Variants in CRADD observed in about 807,000 individuals in gnomAD.
The protein encoded by CRADD is CARD and death domain containing adaptor protein.
In CRADD, 9 loss-of-function variants were observed where a neutral mutation model predicts 15.5. The ratio of observed to expected loss-of-function variants is 0.58; its 90% CI spans 0.35 to 1.01. The LOEUF is 1.01. Ranked by LOEUF, CRADD falls within the 50% of genes least tolerant of loss-of-function variation. CRADD has a pLI of 0.02. For missense variants in CRADD, 227 were observed against 250.3 expected, an observed-to-expected ratio of 0.91 and a Z score of 0.63; for synonymous variants, 118 against 107.6, an observed-to-expected ratio of 1.10 and a Z score of -0.60.
At chr12:93,712,139 T>A (rs930094759) in intron 2 of CRADD, among the ~76,000 whole-genome samples, 4 of 152,160 alleles carry the variant, frequency 2.6e-5, no homozygotes, top group African/African-American at 9.7e-5. Context: ...CTGTTCTTTT[T>A]CTCTATTTTC....
chr12:93,836,744 C>T (rs1374812720), intron 2 of CRADD, among the ~76,000 whole-genome samples: 2 of 152,198 alleles, frequency 1.3e-5, no homozygotes, highest in African/African-American at 4.8e-5. Context: ...TTCATTCACT[C>T]ATCCAGCAAA....
At chr12:93,815,421 T>G (rs1479389206) in intron 2 of CRADD, 1 of 152,206 alleles carries the variant, frequency 6.6e-6, no homozygotes, top group Non-Finnish European at 1.5e-5. Flanking sequence ...AATCTGAGCC[T>G]CCCTTGTCCT....
intron 2 of CRADD, among the ~76,000 whole-genome samples, chr12:93,681,302 G>T (rs1955292195): frequency 6.6e-6 from 1 of 152,148 alleles, no homozygotes; most frequent in Admixed American, 6.5e-5. Flanking sequence ...AAAGCAAACA[G>T]AATGAAGCAG....
At chr12:93,889,847 C>T (rs1161254285) in intron 2 of CRADD, among the ~76,000 whole-genome samples, 1 of 152,150 alleles carries the variant, frequency 6.6e-6, no homozygotes, top group Non-Finnish European at 1.5e-5. Flanking sequence ...TGGAGATCAC[C>T]AGGGCTTGGG....
chr12:93,712,223 A>G (rs999277841), intron 2 of CRADD, among the ~76,000 whole-genome samples: 1 of 152,192 alleles, frequency 6.6e-6, no homozygotes, highest in Non-Finnish European at 1.5e-5. Context: ...ACTAGTTACT[A>G]TTTAGAAGAG....
chr12:93,787,638 A>T (rs542057720), intron 2 of CRADD, among the ~76,000 whole-genome samples: 1 of 152,340 alleles, frequency 6.6e-6, no homozygotes, highest in South Asian at 2.1e-4. Context: ...AAAGAAATAC[A>T]TGCTTATACC....
At chr12:93,833,582 G>A (rs1232403150) in intron 2 of CRADD, among the ~76,000 whole-genome samples, 1 of 152,092 alleles carries the variant, frequency 6.6e-6, no homozygotes, top group Non-Finnish European at 1.5e-5. Context: ...CTGAACTCAA[G>A]CGACCCTCCC....
At chr12:93,715,709 G>A (rs1956149685) in intron 2 of CRADD, among the ~76,000 whole-genome samples, 1 of 152,076 alleles carries the variant, frequency 6.6e-6, no homozygotes, top group African/African-American at 2.4e-5. Context: ...GTGAATTGGT[G>A]GTATAAACAG....
intron 2 of CRADD, among the ~76,000 whole-genome samples, chr12:93,715,807 AT>A (rs1259070311): frequency 1.3e-5 from 2 of 152,006 alleles, no homozygotes; most frequent in African/African-American, 2.4e-5. Context: ...CTTTTTCCCC[AT>A]TTTCTTTGGT....
At chr12:93,714,054 T>C (rs1003272975) in intron 2 of CRADD, among the ~76,000 whole-genome samples, 2 of 152,222 alleles carry the variant, frequency 1.3e-5, no homozygotes, top group Non-Finnish European at 2.9e-5. Context: ...ATTCTTTCTG[T>C]TCTGTGTTTC....
intron 2 of CRADD, among the ~76,000 whole-genome samples, chr12:93,774,384 G>A (rs1342895186): frequency 6.6e-6 from 1 of 152,182 alleles, no homozygotes; most frequent in Non-Finnish European, 1.5e-5. Flanking sequence ...AGGAGCCTGA[G>A]GGCTTGAGGA....
At chr12:93,701,144 G>A (rs979864560) in intron 2 of CRADD, among the ~76,000 whole-genome samples, 11 of 151,892 alleles carry the variant, frequency 7.2e-5, no homozygotes, top group African/African-American at 1.9e-4. Context: ...AATATGGCCC[G>A]ACCTTATCTA....
rs1159742676 is a variant in CRADD at position 93,894,269 on chromosome 12, G to T, written c.*152G>T. 4 of 547,260 alleles carry T rather than the reference G, an allele frequency of 7.3e-6. No homozygotes were observed. In the African/African-American group the frequency reaches 7.8e-5, roughly 11 times the overall value. The allele number at this position is 547,260 out of a possible 1,614,324, so 33.9% of individuals were successfully genotyped here. A position where few individuals can be genotyped will look rare whatever the true frequency, so the allele number is the denominator to read the frequency against. ...TGTCACAATTCTGTGTATGTGTGTGGGTGGGCGGGGGGCAGGGGATTATGT... is the reference window on the plus strand; with the variant it reads ...TGTCACAATTCTGTGTATGTGTGTGTGTGGGCGGGGGGCAGGGGATTATGT... On this transcript the variant is annotated 3_prime_UTR_variant, in exon 3 of 3. Coordinates refer to the CRADD transcript ENST00000548483.
chr12:93,753,233 A>G (rs1565901326), intron 2 of CRADD, among the ~76,000 whole-genome samples: 1 of 152,132 alleles, frequency 6.6e-6, no homozygotes, highest in African/African-American at 2.4e-5. Context: ...CTATCAAGAG[A>G]ATAGCACAGG....
intron 2 of CRADD, among the ~76,000 whole-genome samples, chr12:93,889,446 T>C (rs1207177213): frequency 2.0e-5 from 3 of 152,134 alleles, no homozygotes; most frequent in Admixed American, 6.5e-5. Flanking sequence ...ATGACAGGAC[T>C]GAAATTCATG....
At chr12:93,712,082 C>CTA (rs1440899454) in intron 2 of CRADD, among the ~76,000 whole-genome samples, 1 of 152,144 alleles carries the variant, frequency 6.6e-6, no homozygotes, top group Non-Finnish European at 1.5e-5. Context: ...GTGCACTAGA[C>CTA]ACTCGCCCTC....
rs551616832 is a variant in CRADD at position 93,888,253 on chromosome 12, G to A, written c.299-5797G>A. Among the ~76,000 whole-genome samples, 16 of 152,130 alleles carry A rather than the reference G, an allele frequency of 1.1e-4. No homozygotes were observed. The East Asian group carries it at 2.9e-3, about 28-fold the overall frequency. ...ATCATAGCTAACACGGTGAAACCCC[G>A]TCTCTACTAAAAATACAAAAAAATT... On this transcript the variant is annotated intron_variant, in intron 2 of 2. Transcript: ENST00000548483.
chr12:93,841,061 T>C (rs1479993391), intron 2 of CRADD, among the ~76,000 whole-genome samples: 1 of 152,196 alleles, frequency 6.6e-6, no homozygotes, highest in African/African-American at 2.4e-5. Flanking sequence ...TGTCAAACTT[T>C]ATCAAATTTT....
At position 93,815,166 on chromosome 12, in the gene CRADD, G is replaced by A. The variant is rs370481915; in HGVS notation, c.299-34804G>A. On this transcript the variant is annotated intron_variant, in intron 2 of 2. Coordinates refer to ENST00000332896, the MANE Select transcript of CRADD (RefSeq NM_003805.5). ...GTCCCGCCGGACATTCAAGGAATCCGACTATGTTTTCTATATAAACATATA... is the reference window on the plus strand; with the variant it reads ...GTCCCGCCGGACATTCAAGGAATCCAACTATGTTTTCTATATAAACATATA... 9 of 152,260 alleles carry A rather than the reference G, an allele frequency of 5.9e-5. No individual in the cohort carries two copies. The South Asian group carries it at 1.2e-3, about 21-fold the overall frequency. The allele number at this position is 152,260 out of a possible 1,614,324, so 9.4% of individuals were successfully genotyped here.
Sources: gnomAD v4.1 joint callset for allele counts (sites outside exome capture counted in the v4.1 genomes callset) on GRCh38, gnomAD v4.1.1 for gene constraint, MANE v1.5 for transcripts, NCBI Gene and HGNC (gene_info 2026-07-23, HGNC 2026-07-21) for gene names.